Variants in PCDHA1 observed in about 807,000 individuals in gnomAD.
The protein encoded by PCDHA1 is protocadherin alpha-1.
Under a neutral mutation model 61.3 loss-of-function variants are expected in PCDHA1, and 42 were observed. That is an observed-to-expected ratio of 0.69 (90% CI 0.54 to 0.89). PCDHA1 has a LOEUF of 0.89. PCDHA1 is among the 40% of genes least tolerant of loss of function. The pLI, the probability that PCDHA1 is intolerant of heterozygous loss-of-function variation, is 0.00. For missense variants in PCDHA1, 1,256 were observed against 1,235.3 expected (o/e 1.02, Z -0.25); for synonymous variants, 610 against 553.8 (o/e 1.10, Z -1.43).
intron 1 of PCDHA1, among the ~76,000 whole-genome samples, chr5:140,915,616 GTC>G (rs1166585947): frequency 7.5e-6 from 1 of 134,000 alleles, no homozygotes. Context: ...CTGTCAAACA[GTC>G]TCTTTCTGTC....
intron 1 of PCDHA1, chr5:140,868,284 G>A (rs1554161873): frequency 6.6e-6 from 1 of 152,004 alleles, no homozygotes; most frequent in Non-Finnish European, 1.5e-5. Flanking sequence ...TACCAAGTTT[G>A]AGAATATGAA....
chr5:140,839,283 C>A (rs1309701563), intron 1 of PCDHA1, among the ~76,000 whole-genome samples: 1 of 151,960 alleles, frequency 6.6e-6, no homozygotes, highest in Non-Finnish European at 1.5e-5. Context: ...ACCTTCCTAG[C>A]ATATTATTAA....
chr5:140,835,646 T>C lies in PCDHA1; in HGVS notation c.2394+46962T>C, dbSNP rs148944886. The C allele has an allele frequency of 8.1e-4, 1,314 of 1,613,744 alleles. 16 individuals are homozygous for C. In the African/African-American group the frequency reaches 0.014, roughly 17 times the overall value. On this transcript the variant is annotated intron_variant, in intron 1 of 3. Transcript: ENST00000504120. ...TGGACCGCGAGAGTGTGTCCGCCTA[T>C]GAGCTGGTGGTTACCGCGCGGGACG...
intron 1 of PCDHA1, among the ~76,000 whole-genome samples, chr5:140,910,092 C>T (rs1554194118): frequency 6.6e-6 from 1 of 152,170 alleles, no homozygotes; most frequent in African/African-American, 2.4e-5. Context: ...GGGGAACCAG[C>T]CTCCCCTTCA....
At chr5:140,978,572 A>T (rs1322135580) in intron 1 of PCDHA1, among the ~76,000 whole-genome samples, 2 of 152,234 alleles carry the variant, frequency 1.3e-5, no homozygotes, top group Non-Finnish European at 2.9e-5. Flanking sequence ...GTAATACTGA[A>T]TTGGGAATGT....
At chr5:140,852,885 A>T in intron 1 of PCDHA1, 5 of 778,116 alleles carry the variant, frequency 6.4e-6, no homozygotes, top group Non-Finnish European at 7.9e-6. Context: ...CATAAAACGT[A>T]TTTTTTTTTT....
intron 1 of PCDHA1, among the ~76,000 whole-genome samples, chr5:140,957,031 TG>T (rs1436652232): frequency 6.6e-6 from 1 of 152,182 alleles, no homozygotes; most frequent in Non-Finnish European, 1.5e-5. Flanking sequence ...TAGATATTTA[TG>T]GGAGTCATAT....
intron 1 of PCDHA1, chr5:140,802,888 C>T: frequency 1.2e-6 from 2 of 1,613,760 alleles, no homozygotes; most frequent in Non-Finnish European, 1.7e-6. Context: ...AACGCGCCGG[C>T]ACTGCTGATG....
chr5:140,999,363 A>G (rs772527438), intron 3 of PCDHA1, among the ~76,000 whole-genome samples: 1 of 152,198 alleles, frequency 6.6e-6, no homozygotes, highest in Non-Finnish European at 1.5e-5. Flanking sequence ...AATGTTCACA[A>G]TCCCATTAGA....
intron 1 of PCDHA1, chr5:140,871,072 G>A: frequency 6.2e-7 from 1 of 1,613,238 alleles, no homozygotes; most frequent in Non-Finnish European, 8.5e-7. Context: ...CGGTGAGCCG[G>A]CGCTGACGGC....
intron 1 of PCDHA1, among the ~76,000 whole-genome samples, chr5:140,887,345 C>A (rs1286436995): frequency 6.6e-6 from 1 of 152,140 alleles, no homozygotes; most frequent in Non-Finnish European, 1.5e-5. Context: ...ATCCACCTGG[C>A]TCGGCCTCCC....
intron 1 of PCDHA1, chr5:140,821,727 A>G: frequency 6.6e-7 from 1 of 1,508,774 alleles, no homozygotes; most frequent in Middle Eastern, 1.8e-4. Flanking sequence ...TTTACAAAAT[A>G]CATTGTGTGG....
chr5:140,916,706 G>A (rs1179319029), intron 1 of PCDHA1, among the ~76,000 whole-genome samples: 1 of 152,200 alleles, frequency 6.6e-6, no homozygotes, highest in Admixed American at 6.5e-5. Flanking sequence ...TCCTTAAGCA[G>A]AAGGAAGGAG....
intron 1 of PCDHA1, chr5:140,877,567 T>C (rs1487907484): frequency 6.2e-7 from 1 of 1,613,664 alleles, no homozygotes; most frequent in East Asian, 2.2e-5. Context: ...TATTAACGTG[T>C]ACCTCATCAT....
intron 1 of PCDHA1, among the ~76,000 whole-genome samples, chr5:140,880,149 A>G (rs1347832078): frequency 1.3e-5 from 2 of 152,266 alleles, no homozygotes; most frequent in Non-Finnish European, 2.9e-5. Flanking sequence ...AGTGCAATAT[A>G]TCAAGTATAT....
rs976104418 is a variant in PCDHA1 at position 140,967,290 on chromosome 5, C to G, written c.2395-11659C>G. The G allele has an allele frequency of 3.1e-6, 5 of 1,612,712 alleles. No individual in the cohort carries two copies. In the African/African-American group the frequency reaches 5.3e-5, roughly 17 times the overall value. ...TTTCACATAGAGAGTGCGCAGGACC[C>G]CGACGTGGGCGCCAACTCAGTACAG... On this transcript the variant is annotated intron_variant, in intron 1 of 3. Coordinates refer to ENST00000504120, the MANE Select transcript of PCDHA1 (RefSeq NM_018900.4).
intron 3 of PCDHA1, among the ~76,000 whole-genome samples, chr5:140,993,523 CAGAG>C (rs111789518): frequency 3.4e-5 from 5 of 145,668 alleles, no homozygotes; most frequent in South Asian, 2.2e-4. Flanking sequence ...GAGAGAGAGA[CAGAG>C]AGAGAGAGAG....
intron 1 of PCDHA1, chr5:140,883,347 G>A (rs782384832): frequency 3.7e-6 from 6 of 1,614,046 alleles, no homozygotes; most frequent in African/African-American, 1.3e-5. Flanking sequence ...CTCCCCATCA[G>A]AGAAGACACT....
intron 3 of PCDHA1, among the ~76,000 whole-genome samples, chr5:140,986,632 A>T (rs1262339478): frequency 6.6e-6 from 1 of 152,170 alleles, no homozygotes; most frequent in African/African-American, 2.4e-5. Flanking sequence ...AGGCAACAGT[A>T]CATTAGTTTT....
Sources: gnomAD v4.1 joint callset for allele counts (sites outside exome capture counted in the v4.1 genomes callset) on GRCh38, gnomAD v4.1.1 for gene constraint, MANE v1.5 for transcripts, NCBI Gene and HGNC (gene_info 2026-07-23, HGNC 2026-07-21) for gene names.